Variants in FAXC observed in about 807,000 individuals in gnomAD.
The protein encoded by FAXC is failed axon connections homolog.
A neutral mutation model predicts 41.9 loss-of-function variants in FAXC; 10 were observed. The ratio of observed to expected loss-of-function variants is 0.24; its 90% CI spans 0.15 to 0.41. The LOEUF (loss-of-function observed/expected upper bound fraction) is 0.41, where lower values mean the gene tolerates loss of function less well. Ranked by LOEUF, FAXC falls within the 10% of genes least tolerant of loss-of-function variation. The probability of loss-of-function intolerance (pLI) is 1.00; values close to 1 mark genes in which losing one functional copy is unlikely to be tolerated. For missense variants in FAXC, 399 were observed against 510.9 expected, an observed-to-expected ratio of 0.78 and a Z score of 2.11; for synonymous variants, 183 against 183.8, an observed-to-expected ratio of 1.00 and a Z score of 0.03.
intron 3 of FAXC, among the ~76,000 whole-genome samples, chr6:99,328,710 C>A (rs1772918455): frequency 6.6e-6 from 1 of 152,168 alleles, no homozygotes; most frequent in African/African-American, 2.4e-5. Context: ...CTCTGCAAAG[C>A]CTTCCCCCCT....
At chr6:99,307,680 C>A (rs774177151) in intron 4 of FAXC, among the ~76,000 whole-genome samples, 2 of 152,032 alleles carry the variant, frequency 1.3e-5, no homozygotes, top group Non-Finnish European at 2.9e-5. Context: ...CTGGAGCTGG[C>A]CTATAGGAGA....
At chr6:99,292,616 G>C (rs12207550) in intron 4 of FAXC, among the ~76,000 whole-genome samples, 1 of 152,172 alleles carries the variant, frequency 6.6e-6, no homozygotes, top group Admixed American at 6.5e-5. Flanking sequence ...TGGCATCACC[G>C]TTATTCACTG....
chr6:99,326,202 T>C (rs755650747), intron 3 of FAXC, among the ~76,000 whole-genome samples: 7 of 151,996 alleles, frequency 4.6e-5, no homozygotes, highest in African/African-American at 9.7e-5. Flanking sequence ...TTTGTGGCAA[T>C]GTAAAGGAAG....
chr6:99,334,873 T>C (rs1054852842), intron 2 of FAXC, among the ~76,000 whole-genome samples: 1 of 152,212 alleles, frequency 6.6e-6, no homozygotes, highest in African/African-American at 2.4e-5. Context: ...CCCGGTCTCA[T>C]TGGCTATCTA....
rs1262845420 is a variant in FAXC at position 99,271,659 on chromosome 6, C to G, written c.*9505G>C. The G allele has an allele frequency of 6.6e-6, 1 of 152,160 alleles. No homozygotes were observed. The highest frequency in any genetic ancestry group is 1.5e-5 in the Non-Finnish European group (1 of 68,034). 9.4% of individuals were successfully genotyped at this position (152,160 alleles called of 1,614,324 possible). On this transcript the variant is annotated 3_prime_UTR_variant, in exon 6 of 6. Coordinates refer to ENST00000389677, the MANE Select transcript of FAXC (RefSeq NM_032511.4). ...CCCAGATCCAAAACACTTCTGGTCC[C>G]AAGCACTTCAGATAAGAGATACTCA...
Position 99,278,110 on chromosome 6 carries a change from G to C in FAXC, c.*3054C>G, listed in dbSNP as rs1770695593. 1 of 152,184 alleles carries C rather than the reference G, an allele frequency of 6.6e-6. No homozygotes were observed. Among genetic ancestry groups the C allele is most frequent in the Non-Finnish European group, 1.5e-5 (1 of 68,034 alleles). 9.4% of individuals were successfully genotyped at this position (152,184 alleles called of 1,614,324 possible). On this transcript the variant is annotated 3_prime_UTR_variant, in exon 6 of 6. Transcript: ENST00000389677. Reference sequence around the variant, plus strand: ...CAAGTCCAAGTTGTTCCAGGTCCGTGATTAGTCTCCTGGGTAGCCCACAGC... The same window carrying C: ...CAAGTCCAAGTTGTTCCAGGTCCGTCATTAGTCTCCTGGGTAGCCCACAGC...
chr6:99,326,200 A>G (rs1230997477), intron 3 of FAXC, among the ~76,000 whole-genome samples: 1 of 152,240 alleles, frequency 6.6e-6, no homozygotes, highest in Non-Finnish European at 1.5e-5. Flanking sequence ...GATTTGTGGC[A>G]ATGTAAAGGA....
At chr6:99,284,437 A>G (rs563011662) in intron 5 of FAXC, among the ~76,000 whole-genome samples, 10 of 152,278 alleles carry the variant, frequency 6.6e-5, no homozygotes, top group Admixed American at 4.6e-4. Context: ...GTTGGGTTTT[A>G]TCTTTTTCTG....
rs55827992 is a variant in FAXC at position 99,293,665 on chromosome 6, AGTGTGTGTGTGTGTGTGT to A, written c.824-1863_824-1846del. Among the ~76,000 whole-genome samples the A allele has an allele frequency of 2.0e-3, 250 of 123,274 alleles. 1 individual carries two copies. The highest frequency in any genetic ancestry group is 6.4e-3 in the African/African-American group (207 of 32,428). The allele number at this position is 123,274 out of a possible 152,430, so 80.9% of individuals were successfully genotyped here. Reference sequence around the variant, plus strand: ...ATTTTTCCCATAATGCTCTATACACAGTGTGTGTGTGTGTGTGTGTGTGTGTGTGTGTGTGTGTGTGTG... The same window carrying A: ...ATTTTTCCCATAATGCTCTATACACAGTGTGTGTGTGTGTGTGTGTGTGTG... On this transcript the variant is annotated intron_variant, in intron 4 of 5. Coordinates refer to ENST00000389677, the MANE Select transcript of FAXC (RefSeq NM_032511.4).
In FAXC at chr6:99,275,208, A is replaced by AGCACAACT. The variant is rs1320808124; in HGVS notation, c.*5948_*5955dup. 1 of 152,234 alleles carries AGCACAACT rather than the reference A, an allele frequency of 6.6e-6. No individual in the cohort carries two copies. Among genetic ancestry groups the AGCACAACT allele is most frequent in the Non-Finnish European group, 1.5e-5 (1 of 68,044 alleles). 9.4% of individuals were successfully genotyped at this position (152,234 alleles called of 1,614,324 possible). A position where few individuals can be genotyped will look rare whatever the true frequency, so the allele number is the denominator to read the frequency against. Reference sequence around the variant, plus strand: ...GGGAGGTGAATTAGTCACATTTAGTAGCACAACTTTTTATAAAGTTAACTG... The same window carrying AGCACAACT: ...GGGAGGTGAATTAGTCACATTTAGTAGCACAACTGCACAACTTTTTATAAAGTTAACTG... On this transcript the variant is annotated 3_prime_UTR_variant, in exon 6 of 6. Transcript: ENST00000389677.
chr6:99,348,557 A>G (rs1047083842), intron 1 of FAXC, among the ~76,000 whole-genome samples: 1 of 152,240 alleles, frequency 6.6e-6, no homozygotes, highest in Non-Finnish European at 1.5e-5. Context: ...GTTCAATACC[A>G]GATAAGCAGA....
In FAXC at chr6:99,279,344, A is replaced by G. The variant is rs1443914787; in HGVS notation, c.*1820T>C. ...TATCTCAGCACGTATTCCCAGTTAC[A>G]TATGCCCTACACAATTGCTTAAGTG... On this transcript the variant is annotated 3_prime_UTR_variant, in exon 6 of 6. Coordinates refer to ENST00000389677, the MANE Select transcript of FAXC (RefSeq NM_032511.4). 6.6e-6 allele frequency: 1 copy of G among 152,146 alleles called. No homozygotes were observed. Among genetic ancestry groups the G allele is most frequent in the Non-Finnish European group, 1.5e-5 (1 of 68,028 alleles). 9.4% of individuals were successfully genotyped at this position (152,146 alleles called of 1,614,324 possible). A position where few individuals can be genotyped will look rare whatever the true frequency, so the allele number is the denominator to read the frequency against.
At chr6:99,317,542 T>C (rs1029529176) in intron 4 of FAXC, among the ~76,000 whole-genome samples, 6 of 150,260 alleles carry the variant, frequency 4.0e-5, no homozygotes, top group Non-Finnish European at 8.8e-5. Context: ...ACCAAGGTAG[T>C]AGTCAGGTCA....
intron 3 of FAXC, among the ~76,000 whole-genome samples, chr6:99,324,701 T>G (rs1374848150): frequency 6.6e-6 from 1 of 152,234 alleles, no homozygotes; most frequent in Non-Finnish European, 1.5e-5. Flanking sequence ...CAAGAATTTT[T>G]TTTATGGCTA....
chr6:99,348,118 T>C (rs1310913037), intron 1 of FAXC, among the ~76,000 whole-genome samples: 2 of 152,188 alleles, frequency 1.3e-5, no homozygotes, highest in Non-Finnish European at 2.9e-5. Context: ...TGTCTTTGTT[T>C]ATAACCTATT....
intron 4 of FAXC, among the ~76,000 whole-genome samples, chr6:99,292,179 A>C (rs964170241): frequency 5.9e-5 from 9 of 152,138 alleles, no homozygotes; most frequent in African/African-American, 1.9e-4. Context: ...AGTTTGCTTA[A>C]ATCATCTCAA....
intron 2 of FAXC, among the ~76,000 whole-genome samples, chr6:99,337,463 T>C (rs1773254970): frequency 6.6e-6 from 1 of 152,176 alleles, no homozygotes. Flanking sequence ...TCTAAAGAAA[T>C]GTAAGGAAGA....
At chr6:99,296,587 C>T (rs2128451739) in intron 4 of FAXC, among the ~76,000 whole-genome samples, 1 of 152,306 alleles carries the variant, frequency 6.6e-6, no homozygotes, top group South Asian at 2.1e-4. Flanking sequence ...AGGCCAGCTT[C>T]TAAGCACCCA....
chr6:99,323,705 G>T lies in FAXC; in HGVS notation c.600-38C>A, dbSNP rs75006648. 1.2e-3 allele frequency: 1,770 copies of T among 1,514,292 alleles called. 23 individuals carry two copies. The African/African-American group carries it at 0.02, about 17-fold the overall frequency. The allele number at this position is 1,514,292 out of a possible 1,614,324, so 93.8% of individuals were successfully genotyped here. A position where few individuals can be genotyped will look rare whatever the true frequency, so the allele number is the denominator to read the frequency against. ...GGAAACAAGTTACTACTGTGCATCA[G>T]GTACATATCAGCTCCACAGGGTCAC... On this transcript the variant is annotated intron_variant, in intron 3 of 5. Coordinates refer to ENST00000389677, the MANE Select transcript of FAXC (RefSeq NM_032511.4).
Sources: gnomAD v4.1 joint callset for allele counts (sites outside exome capture counted in the v4.1 genomes callset) on GRCh38, gnomAD v4.1.1 for gene constraint, MANE v1.5 for transcripts, NCBI Gene and HGNC (gene_info 2026-07-23, HGNC 2026-07-21) for gene names.